TVP23C: variants seen among roughly 807,000 people sequenced by gnomAD.
TVP23C encodes the protein Golgi apparatus membrane protein TVP23 homolog C.
In TVP23C, 19 loss-of-function variants were observed where a neutral mutation model predicts 28.7. That is an observed-to-expected ratio of 0.66 (90% confidence interval 0.46 to 0.97). TVP23C has a LOEUF of 0.97. TVP23C is among the 50% of genes least tolerant of loss of function. The pLI is 0.00. For missense variants in TVP23C, 186 were observed against 241.3 expected (o/e 0.77, Z 1.52); for synonymous variants, 68 against 81.7 (o/e 0.83, Z 0.90).
Position 15,539,738 on chromosome 17 carries a change from A to G in TVP23C, c.*674T>C. ...AGTAAAATCCTTATGTTCTAGGGGG[A>G]AAAAAACATCTGAGTACAAATGTTA... On this transcript the variant is annotated 3_prime_UTR_variant, in exon 6 of 6. Coordinates refer to ENST00000518321, the MANE Select transcript of TVP23C (RefSeq NM_001135036.2). The G allele has an allele frequency of 4.1e-6, 4 of 984,326 alleles. No individual in the cohort carries two copies. The highest frequency in any genetic ancestry group is 4.8e-6 in the Non-Finnish European group (4 of 828,986). 61.0% of individuals were successfully genotyped at this position (984,326 alleles called of 1,614,324 possible). A position where few individuals can be genotyped will look rare whatever the true frequency, so the allele number is the denominator to read the frequency against.
exon 6 of TVP23C, chr17:15,502,730 CTT>C (rs149635358): frequency 0.076 from 73,679 of 975,340 alleles, 2,127 homozygotes; most frequent in Non-Finnish European, 0.085. Flanking sequence ...CTCTCTCTCT[CTT>C]TCTCTCTCCT....
At chr17:15,547,270 A>G (rs528620883) in intron 3 of TVP23C, 122 bp from the exon 4 acceptor site, 4 of 1,429,892 alleles carry the variant, frequency 2.8e-6, no homozygotes, top group Middle Eastern at 1.8e-4. Flanking sequence ...CATAATATCC[A>G]GTTAGCAAAG....
intron 5 of TVP23C, chr17:15,516,490 C>T (rs540336167): frequency 6.6e-6 from 1 of 152,188 alleles, no homozygotes; most frequent in African/African-American, 2.4e-5. Context: ...CTCTCCTTGG[C>T]TTGTGGACGG....
intron 5 of TVP23C, among the ~76,000 whole-genome samples, chr17:15,518,137 C>A (rs1455602524): frequency 7.3e-6 from 1 of 137,362 alleles, no homozygotes; most frequent in Non-Finnish European, 1.5e-5. Context: ...CACTGCACTG[C>A]AGCCTAGGTG....
intron 3 of TVP23C, among the ~76,000 whole-genome samples, chr17:15,553,446 G>A (rs1983983141): frequency 6.6e-6 from 1 of 151,416 alleles, no homozygotes; most frequent in South Asian, 2.1e-4. Context: ...AGCTGATGTA[G>A]GTTAGAATAT....
chr17:15,516,729 T>TA (rs1395307794), intron 5 of TVP23C: 1 of 152,276 alleles, frequency 6.6e-6, no homozygotes, highest in Non-Finnish European at 1.5e-5. Flanking sequence ...ATTCATCCCT[T>TA]AAGAGTTAGC....
At chr17:15,561,383 G>A (rs1162024104) in intron 1 of TVP23C, among the ~76,000 whole-genome samples, 1 of 152,146 alleles carries the variant, frequency 6.6e-6, no homozygotes, top group Non-Finnish European at 1.5e-5. Flanking sequence ...TGGATAACCT[G>A]AGGTCAGGAG....
At chr17:15,555,457 G>A in intron 1 of TVP23C, 93 bp from the exon 2 acceptor site, 1 of 1,532,126 alleles carries the variant, frequency 6.5e-7, no homozygotes, top group East Asian at 2.3e-5. Flanking sequence ...CAAAATAGAA[G>A]ATAAAATAAT....
chr17:15,544,884 T>C (rs1983575146), intron 5 of TVP23C, among the ~76,000 whole-genome samples: 1 of 151,518 alleles, frequency 6.6e-6, no homozygotes, highest in African/African-American at 2.4e-5. Context: ...TACTACAAAT[T>C]AGGAGGAAAA....
At chr17:15,517,190 C>G (rs1416076161) in intron 5 of TVP23C, among the ~76,000 whole-genome samples, 2 of 152,186 alleles carry the variant, frequency 1.3e-5, no homozygotes, top group African/African-American at 4.8e-5. Flanking sequence ...CTCCCTGTCA[C>G]CCCCCAACTG....
chr17:15,522,475 A>C lies in TVP23C; in HGVS notation c.463-19243T>G, dbSNP rs12603983. Among the ~76,000 whole-genome samples the C allele has an allele frequency of 3.5e-4, 54 of 152,284 alleles. No individual in the cohort carries two copies. In the East Asian group the frequency reaches 9.7e-3, roughly 27 times the overall value. ...TGGTATTTGACAGAATGGCATCACA[A>C]ATCAGTGAGGAAAATCTGGATTATT... On this transcript the variant is annotated intron_variant, in intron 5 of 5. Coordinates refer to the TVP23C transcript ENST00000225576.
At chr17:15,502,533 T>G (rs1019551272) in exon 6 of TVP23C, 5 of 241,432 alleles carry the variant, frequency 2.1e-5, no homozygotes, top group African/African-American at 9.1e-5. Flanking sequence ...ATCCCCTCCT[T>G]TGTCTGGAAC....
At chr17:15,534,553 G>A (rs1003388898), downstream of TVP23C, among the ~76,000 whole-genome samples, 3 of 147,376 alleles carry the variant, frequency 2.0e-5, no homozygotes, top group Non-Finnish European at 3.0e-5. Flanking sequence ...GTACCTATAT[G>A]TTGGAGTTAA....
intron 5 of TVP23C, among the ~76,000 whole-genome samples, chr17:15,524,060 TG>T (rs149902125): frequency 3.3e-4 from 41 of 125,622 alleles, no homozygotes; most frequent in African/African-American, 1.2e-3. Context: ...TGTAGCAGAG[TG>T]GGGTGTGTGT....
In TVP23C at chr17:15,537,866, T is replaced by C. The variant is rs1318742652; in HGVS notation, c.*2546A>G. ...TACAGGTATTACATGGCCGTGTGCATACCTATGGAATGTGCATACCTACAC... is the reference window on the plus strand; with the variant it reads ...TACAGGTATTACATGGCCGTGTGCACACCTATGGAATGTGCATACCTACAC... On this transcript the variant is annotated 3_prime_UTR_variant, in exon 6 of 6. Transcript: ENST00000518321. 7 of 1,349,448 alleles carry C rather than the reference T, an allele frequency of 5.2e-6. No individual in the cohort carries two copies. The highest frequency in any genetic ancestry group is 4.7e-6 in the Non-Finnish European group (5 of 1,052,838). The allele number at this position is 1,349,448 out of a possible 1,614,324, so 83.6% of individuals were successfully genotyped here.
chr17:15,560,836 G>A (rs1205665011), intron 1 of TVP23C, among the ~76,000 whole-genome samples: 2 of 149,940 alleles, frequency 1.3e-5, no homozygotes, highest in East Asian at 1.9e-4. Context: ...TTACAGGTGT[G>A]AGCCACCGCA....
At position 15,548,304 on chromosome 17, in the gene TVP23C, T is replaced by C. The variant is rs569504217; in HGVS notation, c.241-1156A>G. On this transcript the variant is annotated intron_variant, in intron 3 of 5. Coordinates refer to ENST00000518321, the MANE Select transcript of TVP23C (RefSeq NM_001135036.2). ...GCCTCAGCCTCCCAAGTAGCAGGGA[T>C]TACAGGCATGCGCCATCATGCCCAG... Among the ~76,000 whole-genome samples the C allele has an allele frequency of 5.3e-5, 8 of 152,240 alleles. No individual in the cohort carries two copies. The South Asian group carries it at 1.7e-3, about 32-fold the overall frequency.
At chr17:15,506,012 A>G (rs1443463711) in intron 5 of TVP23C, among the ~76,000 whole-genome samples, 5 of 152,200 alleles carry the variant, frequency 3.3e-5, no homozygotes, top group Non-Finnish European at 7.4e-5. Flanking sequence ...CTCCCCGACG[A>G]GCGCCACCCC....
At chr17:15,542,545 C>T (rs1162121370) in intron 5 of TVP23C, among the ~76,000 whole-genome samples, 3 of 152,116 alleles carry the variant, frequency 2.0e-5, no homozygotes, top group Admixed American at 6.5e-5. Flanking sequence ...GGCACGATCT[C>T]AGCTCACTGC....
Sources: gnomAD v4.1 joint callset for allele counts (sites outside exome capture counted in the v4.1 genomes callset) on GRCh38, gnomAD v4.1.1 for gene constraint, MANE v1.5 for transcripts, NCBI Gene and HGNC (gene_info 2026-07-23, HGNC 2026-07-21) for gene names.